NALF1: variants seen among roughly 807,000 people sequenced by gnomAD.
NALF1 encodes NALCN channel auxiliary factor 1, also known as family with sequence similarity 155 member A.
NALF1 carries 3 observed loss-of-function variants against 48.4 expected under a neutral mutation model. That is an observed-to-expected ratio of 0.06 (90% CI 0.03 to 0.16). The LOEUF is 0.16. Among genes scored for constraint, NALF1 ranks in the 10% least tolerant of loss-of-function variants. NALF1 has a pLI of 1.00. For synonymous variants in NALF1, 262 were observed against 245.7 expected (o/e 1.07, Z -0.62); for missense variants, 526 against 571.5 (o/e 0.92, Z 0.81).
At chr13:107,460,790 T>C (rs1370559652) in intron 1 of NALF1, among the ~76,000 whole-genome samples, 1 of 152,236 alleles carries the variant, frequency 6.6e-6, no homozygotes, top group Non-Finnish European at 1.5e-5. Flanking sequence ...ACAAAATTAT[T>C]CTTAAAATAT....
At chr13:107,366,021 T>G (rs1024921904) in intron 1 of NALF1, among the ~76,000 whole-genome samples, 13 of 152,182 alleles carry the variant, frequency 8.5e-5, no homozygotes, top group Non-Finnish European at 1.3e-4. Context: ...AGCAACACAA[T>G]AAGTTACGCC....
intron 1 of NALF1, among the ~76,000 whole-genome samples, chr13:107,220,107 G>T (rs1375821594): frequency 6.6e-6 from 1 of 152,178 alleles, no homozygotes; most frequent in African/African-American, 2.4e-5. Flanking sequence ...TTTGCTCAAA[G>T]AAAATCTGCT....
chr13:107,537,630 G>A (rs1222731954), intron 1 of NALF1, among the ~76,000 whole-genome samples: 1 of 152,094 alleles, frequency 6.6e-6, no homozygotes, highest in East Asian at 1.9e-4. Flanking sequence ...GGAATCCACA[G>A]AGACCCTGAG....
At chr13:107,602,876 A>G (rs1304219497) in intron 1 of NALF1, among the ~76,000 whole-genome samples, 1 of 152,172 alleles carries the variant, frequency 6.6e-6, no homozygotes, top group Non-Finnish European at 1.5e-5. Flanking sequence ...ACATCCATAT[A>G]TGTATATTTA....
At chr13:107,762,961 T>C (rs1275783237) in intron 1 of NALF1, among the ~76,000 whole-genome samples, 1 of 151,902 alleles carries the variant, frequency 6.6e-6, no homozygotes, top group East Asian at 1.9e-4. Flanking sequence ...ACAACCAAAA[T>C]AGAAACAGAA....
rs1884691063 is a variant in NALF1 at position 107,448,718 on chromosome 13, T to C, written c.916-237963A>G. 2.6e-5 allele frequency among the ~76,000 whole-genome samples: 4 copies of C among 152,178 alleles called. 1 individual carries two copies. The highest frequency in any genetic ancestry group is 2.6e-4 in the Admixed American group (4 of 15,278). The stretch of plus-strand genomic sequence containing the variant: ...TTAGTACTACATCACGCACCCATAT[T>C]TGTATATAGAAGTAGCCTTGGAATT... On this transcript the variant is annotated intron_variant, in intron 1 of 2. Transcript: ENST00000375915.
chr13:107,542,178 A>G (rs1877016902), intron 1 of NALF1, among the ~76,000 whole-genome samples: 1 of 152,174 alleles, frequency 6.6e-6, no homozygotes, highest in African/African-American at 2.4e-5. Flanking sequence ...GATACATGCT[A>G]CCACCTGGAT....
intron 1 of NALF1, among the ~76,000 whole-genome samples, chr13:107,213,061 T>A (rs1879794569): frequency 6.6e-6 from 1 of 152,008 alleles, no homozygotes; most frequent in East Asian, 1.9e-4. Context: ...AGAAACAACG[T>A]CTCCTCTCTC....
intron 1 of NALF1, among the ~76,000 whole-genome samples, chr13:107,400,954 C>T (rs890258685): frequency 3.9e-5 from 6 of 152,082 alleles, no homozygotes; most frequent in African/African-American, 1.4e-4. Context: ...TAACTCAATG[C>T]CACAGAGATG....
chr13:107,445,988 G>C (rs1319654291), intron 1 of NALF1, among the ~76,000 whole-genome samples: 2 of 151,984 alleles, frequency 1.3e-5, no homozygotes, highest in Admixed American at 6.6e-5. Context: ...CGTCAGGCTG[G>C]AGTGCAGTGG....
intron 1 of NALF1, among the ~76,000 whole-genome samples, chr13:107,263,542 G>A (rs944799427): frequency 3.9e-5 from 6 of 151,972 alleles, no homozygotes; most frequent in Non-Finnish European, 8.8e-5. Flanking sequence ...TGAATCATGG[G>A]GGCAGTTCCC....
intron 1 of NALF1, among the ~76,000 whole-genome samples, chr13:107,633,721 G>A (rs867407521): frequency 2.1e-5 from 3 of 145,804 alleles, no homozygotes; most frequent in Admixed American, 6.9e-5. Context: ...ATATGTGTGT[G>A]TATATATATA....
intron 1 of NALF1, among the ~76,000 whole-genome samples, chr13:107,722,088 A>C (rs528887967): frequency 4.1e-4 from 62 of 152,258 alleles, no homozygotes; most frequent in African/African-American, 1.3e-3. Context: ...AAAATGACCT[A>C]AATCCAGAAA....
Position 107,243,064 on chromosome 13 carries a change from C to G in NALF1, c.916-32309G>C, listed in dbSNP as rs78008602. Among the ~76,000 whole-genome samples, 467 of 152,172 alleles carry G rather than the reference C, an allele frequency of 3.1e-3. 6 individuals are homozygous for G. The highest frequency in any genetic ancestry group is 0.011 in the African/African-American group (447 of 41,516). On this transcript the variant is annotated intron_variant, in intron 1 of 2. Coordinates refer to ENST00000375915, the MANE Select transcript of NALF1 (RefSeq NM_001080396.3). ...GAAGCCAGGATGACCCAAATGCCAT[C>G]GTTCCTTCTTTCAAGCCCTTCCTGT... is the stretch of plus-strand genomic sequence containing the variant.
intron 1 of NALF1, among the ~76,000 whole-genome samples, chr13:107,652,409 T>C (rs1434427151): frequency 1.3e-5 from 2 of 152,344 alleles, no homozygotes; most frequent in East Asian, 1.9e-4. Context: ...AAATATAATA[T>C]TGTTTTAAAT....
intron 1 of NALF1, among the ~76,000 whole-genome samples, chr13:107,600,396 T>A (rs1878888671): frequency 6.6e-6 from 1 of 152,188 alleles, no homozygotes; most frequent in South Asian, 2.1e-4. Context: ...AAGACGCCAA[T>A]TGTACAGAAA....
chr13:107,652,613 A>C (rs1880475282), intron 1 of NALF1, among the ~76,000 whole-genome samples: 1 of 152,060 alleles, frequency 6.6e-6, no homozygotes, highest in Non-Finnish European at 1.5e-5. Context: ...TCCCATCCTA[A>C]TATCCCCCAA....
chr13:107,355,692 CTTCTACCA>C (rs943420254), intron 1 of NALF1, among the ~76,000 whole-genome samples: 1 of 152,036 alleles, frequency 6.6e-6, no homozygotes, highest in Non-Finnish European at 1.5e-5. Flanking sequence ...CCCTTTTGCC[CTTCTACCA>C]TGATTGTAAG....
At chr13:107,264,046 C>G (rs1287226101) in intron 1 of NALF1, among the ~76,000 whole-genome samples, 1 of 152,182 alleles carries the variant, frequency 6.6e-6, no homozygotes, top group East Asian at 1.9e-4. Context: ...GATTCAGATA[C>G]AAATATTTTA....
Sources: allele counts gnomAD v4.1 joint callset (sites outside exome capture counted in the v4.1 genomes callset), GRCh38; gene constraint gnomAD v4.1.1; transcripts MANE v1.5; gene names NCBI Gene and HGNC (gene_info 2026-07-23, HGNC 2026-07-21).